Variants in PTPRM observed in about 807,000 individuals in gnomAD.
The protein encoded by PTPRM is protein tyrosine phosphatase receptor type M.
A neutral mutation model predicts 186.7 loss-of-function variants in PTPRM; 47 were observed. The ratio of observed to expected loss-of-function variants is 0.25; its 90% CI spans 0.20 to 0.32. The LOEUF (loss-of-function observed/expected upper bound fraction) is 0.32. Ranked by LOEUF, PTPRM falls within the 10% of genes least tolerant of loss-of-function variation. PTPRM has a pLI of 1.00. For missense variants in PTPRM, 1,494 were observed against 1,865.0 expected (o/e 0.80, Z 3.66); for synonymous variants, 668 against 674.9 (o/e 0.99, Z 0.16).
At chr18:8,387,872 A>T (rs554773073) in intron 31 of PTPRM, among the ~76,000 whole-genome samples, 2 of 152,180 alleles carry the variant, frequency 1.3e-5, no homozygotes, top group African/African-American at 4.8e-5. Flanking sequence ...GCAGGTGCTA[A>T]ATATGGGCAC....
chr18:8,032,667 CAG>C (rs2086058053), intron 7 of PTPRM, among the ~76,000 whole-genome samples: 1 of 151,962 alleles, frequency 6.6e-6, no homozygotes, highest in Admixed American at 6.6e-5. Context: ...TAAATTGAAA[CAG>C]AAGCATTCAG....
intron 14 of PTPRM, among the ~76,000 whole-genome samples, chr18:8,152,750 G>A (rs2093039847): frequency 3.0e-5 from 3 of 100,130 alleles, no homozygotes; most frequent in Admixed American, 3.4e-4. Flanking sequence ...ATAGGGTCTC[G>A]TTCTGTTACC....
At position 7,619,643 on chromosome 18, in the gene PTPRM, C is replaced by A. The variant is rs372268887; in HGVS notation, c.73+51752C>A. ...TTTGTCTGTTGAAGCTTCTGCTTCA[C>A]GCTCTCGTCATCTGTTTCAGACCTT... On this transcript the variant is annotated intron_variant, in intron 1 of 32. Transcript: ENST00000580170. Among the ~76,000 whole-genome samples, 6 of 152,298 alleles carry A rather than the reference C, an allele frequency of 3.9e-5. No individual in the cohort carries two copies. The East Asian group carries it at 7.7e-4, about 20-fold the overall frequency.
chr18:8,126,006 TATATA>T (rs2092339725), intron 13 of PTPRM, among the ~76,000 whole-genome samples: 1 of 23,950 alleles, frequency 4.2e-5, no homozygotes, highest in African/African-American at 1.1e-4. Context: ...TATATATATA[TATATA>T]TATATATATA....
intron 14 of PTPRM, among the ~76,000 whole-genome samples, chr18:8,179,858 T>G (rs1178060461): frequency 1.3e-5 from 2 of 152,246 alleles, no homozygotes; most frequent in Non-Finnish European, 2.9e-5. Flanking sequence ...TCTATTTTCT[T>G]TATAACCTTC....
intron 7 of PTPRM, among the ~76,000 whole-genome samples, chr18:8,037,421 A>G (rs1317409346): frequency 6.6e-6 from 1 of 152,082 alleles, no homozygotes; most frequent in Non-Finnish European, 1.5e-5. Flanking sequence ...TGATTTTACT[A>G]TTTAATTAAT....
intron 31 of PTPRM, among the ~76,000 whole-genome samples, chr18:8,388,497 G>A (rs1054217741): frequency 1.3e-5 from 2 of 152,170 alleles, no homozygotes; most frequent in Admixed American, 6.5e-5. Flanking sequence ...ACACGATAGT[G>A]TCTCATCCTG....
intron 31 of PTPRM, among the ~76,000 whole-genome samples, chr18:8,389,674 G>C (rs868250320): frequency 6.6e-6 from 1 of 152,092 alleles, no homozygotes; most frequent in South Asian, 2.1e-4. Flanking sequence ...GTTTATTTTT[G>C]TTTACATTTA....
intron 4 of PTPRM, among the ~76,000 whole-genome samples, chr18:7,914,967 T>G (rs2050469719): frequency 6.6e-6 from 1 of 152,182 alleles, no homozygotes. Flanking sequence ...GGTTAGGACA[T>G]AGTCCTCTTG....
chr18:8,256,383 T>C (rs1009243213), intron 19 of PTPRM, among the ~76,000 whole-genome samples: 4 of 152,240 alleles, frequency 2.6e-5, no homozygotes, highest in African/African-American at 9.6e-5. Context: ...AGAATAATTA[T>C]AGTCTCAACC....
At chr18:8,379,492 G>C (rs536032891) in intron 28 of PTPRM, 152 bp downstream of exon 28, 28 of 873,800 alleles carry the variant, frequency 3.2e-5, no homozygotes, top group Non-Finnish European at 3.9e-5. Context: ...CAGATTCCAC[G>C]TATGTTTTTG....
At chr18:7,604,560 G>A (rs1056778136) in intron 1 of PTPRM, among the ~76,000 whole-genome samples, 6 of 152,240 alleles carry the variant, frequency 3.9e-5, no homozygotes, top group Admixed American at 6.5e-5. Context: ...AGTGGTGTCT[G>A]TGCCGGGAAT....
At chr18:8,159,506 G>A (rs981982216) in intron 14 of PTPRM, among the ~76,000 whole-genome samples, 3 of 152,130 alleles carry the variant, frequency 2.0e-5, no homozygotes, top group African/African-American at 4.8e-5. Context: ...CCATGTTATC[G>A]TGTCTAAAGA....
At chr18:7,844,721 G>A (rs2046508101) in intron 2 of PTPRM, among the ~76,000 whole-genome samples, 1 of 152,124 alleles carries the variant, frequency 6.6e-6, no homozygotes, top group South Asian at 2.1e-4. Flanking sequence ...CAGTTTCATT[G>A]GGTAGCTTTC....
chr18:8,153,535 C>A (rs1049745863), intron 14 of PTPRM, among the ~76,000 whole-genome samples: 1 of 152,104 alleles, frequency 6.6e-6, no homozygotes, highest in African/African-American at 2.4e-5. Flanking sequence ...TTTGCTTTTT[C>A]TGAAAAATAG....
At position 7,835,174 on chromosome 18, in the gene PTPRM, C is replaced by T. The variant is rs114190695; in HGVS notation, c.197-52932C>T. 2.7e-3 allele frequency among the ~76,000 whole-genome samples: 390 copies of T among 143,654 alleles called. 1 individual carries two copies. The highest frequency in any genetic ancestry group is 9.9e-3 in the African/African-American group (378 of 38,202). 94.2% of individuals were successfully genotyped at this position (143,654 alleles called of 152,430 possible). A position where few individuals can be genotyped will look rare whatever the true frequency, so the allele number is the denominator to read the frequency against. ...GGTTTGTTCTTGCTTTTAAATTATTCGTTTGACATTTTTCTTTTTTTTTTT... is the reference window on the plus strand; with the variant it reads ...GGTTTGTTCTTGCTTTTAAATTATTTGTTTGACATTTTTCTTTTTTTTTTT... On this transcript the variant is annotated intron_variant, in intron 2 of 32. Coordinates refer to ENST00000580170, the MANE Select transcript of PTPRM (RefSeq NM_001105244.2).
chr18:8,155,769 C>T (rs573130423), intron 14 of PTPRM, among the ~76,000 whole-genome samples: 1 of 152,198 alleles, frequency 6.6e-6, no homozygotes, highest in Admixed American at 6.5e-5. Context: ...ATAGTTCCCC[C>T]GGCCTATCCA....
At chr18:7,751,690 C>T (rs113078927) in intron 1 of PTPRM, among the ~76,000 whole-genome samples, 2,373 of 152,218 alleles carry the variant, frequency 0.016, 60 homozygotes, top group African/African-American at 0.054. Context: ...TTGCTACATC[C>T]TGATAGAGAA....
At chr18:8,343,810 G>A (rs758310316) in intron 23 of PTPRM, among the ~76,000 whole-genome samples, 1 of 152,218 alleles carries the variant, frequency 6.6e-6, no homozygotes, top group Non-Finnish European at 1.5e-5. Flanking sequence ...AATGCTGATT[G>A]TTGAGTGTCA....
Sources: gnomAD v4.1 joint callset for allele counts (sites outside exome capture counted in the v4.1 genomes callset) on GRCh38, gnomAD v4.1.1 for gene constraint, MANE v1.5 for transcripts, NCBI Gene and HGNC (gene_info 2026-07-23, HGNC 2026-07-21) for gene names.